NLGN4X: variants seen among roughly 807,000 people sequenced by gnomAD.
NLGN4X encodes neuroligin 4 X-linked, also known as neuroligin-4, X-linked.
NLGN4X carries 3 observed loss-of-function variants against 40.3 expected under a neutral mutation model. The observed-to-expected ratio is 0.07, with a 90% CI of 0.03 to 0.19. NLGN4X has a LOEUF of 0.19. NLGN4X is among the 10% of genes least tolerant of loss of function. The pLI is 1.00. For missense variants in NLGN4X, 382 were observed against 708.3 expected (o/e 0.54, Z 5.23); for synonymous variants, 270 against 306.8 (o/e 0.88, Z 1.25).
intron 2 of NLGN4X, among the ~76,000 whole-genome samples, chrX:6,045,096 G>A (rs2037284668): frequency 8.9e-6 from 1 of 112,312 alleles, no homozygotes; most frequent in African/African-American, 3.2e-5. Context: ...TTAGATCTGA[G>A]TAAAGGGACG....
intron 2 of NLGN4X, among the ~76,000 whole-genome samples, chrX:6,106,161 C>A (rs1295355330): frequency 8.9e-6 from 1 of 111,822 alleles, no homozygotes; most frequent in African/African-American, 3.3e-5. Context: ...AGAAAGAACA[C>A]AAATAGTCAT....
At position 6,027,822 on chromosome X, in the gene NLGN4X, A is replaced by T. The variant is rs781523429; in HGVS notation, c.625+1458T>A. ...TTAATTTATTACTAGTATTATTATT[A>T]TTTTTTTTTTTTTGAGAAAAGTCTC... On this transcript the variant is annotated intron_variant, in intron 3 of 5. Transcript: ENST00000381095. Among the ~76,000 whole-genome samples the T allele has an allele frequency of 2.5e-4, 25 of 99,361 alleles. No individual in the cohort carries two copies. In the East Asian group the frequency reaches 3.2e-3, roughly 13 times the overall value. 86.3% of individuals were successfully genotyped at this position (99,361 alleles called of 115,157 possible).
At chrX:6,166,035 T>C (rs2040489012) in intron 1 of NLGN4X, among the ~76,000 whole-genome samples, 1 of 111,979 alleles carries the variant, frequency 8.9e-6, no homozygotes, top group Non-Finnish European at 1.9e-5. Flanking sequence ...TAATTACATC[T>C]TTAGTTTCAC....
chrX:6,154,325 T>C (rs1479089793), intron 1 of NLGN4X, among the ~76,000 whole-genome samples: 1 of 112,301 alleles, frequency 8.9e-6, no homozygotes, highest in Non-Finnish European at 1.9e-5. Context: ...ATATAATTAG[T>C]GCTGTCGTGT....
chrX:6,038,603 C>T (rs1250610901), intron 2 of NLGN4X, among the ~76,000 whole-genome samples: 1 of 112,631 alleles, frequency 8.9e-6, no homozygotes, highest in Non-Finnish European at 1.9e-5. Context: ...AAAGAACTGC[C>T]ATAGCTGACC....
At chrX:6,074,787 C>G (rs1328795585) in intron 2 of NLGN4X, among the ~76,000 whole-genome samples, 1 of 110,927 alleles carries the variant, frequency 9.0e-6, no homozygotes, top group Non-Finnish European at 1.9e-5. Flanking sequence ...TTCGTGCCAT[C>G]ATCAGCAATA....
intron 3 of NLGN4X, among the ~76,000 whole-genome samples, chrX:5,925,843 T>C (rs868361702): frequency 2.8e-4 from 15 of 52,782 alleles, no homozygotes; most frequent in South Asian, 8.2e-4. Flanking sequence ...TATATATATA[T>C]ACATACACAT....
In NLGN4X at chrX:5,923,183, G is replaced by A. The variant is rs780944108; in HGVS notation, c.626-13944C>T. Among the ~76,000 whole-genome samples, 5 of 112,065 alleles carry A rather than the reference G, an allele frequency of 4.5e-5. 1 individual carries two copies. The Admixed American group carries it at 4.7e-4, about 11-fold the overall frequency. On this transcript the variant is annotated intron_variant, in intron 3 of 5. Transcript: ENST00000381095. ...CCCAGGCTGAAGTGGCGCCATCTCG[G>A]CTCACTGCACCCTTGAGATGCATTG... is the stretch of plus-strand genomic sequence containing the variant.
chrX:6,168,738 CTGGGATTA>C (rs889102543), intron 1 of NLGN4X, among the ~76,000 whole-genome samples: 2 of 111,389 alleles, frequency 1.8e-5, no homozygotes, highest in African/African-American at 6.5e-5. Context: ...TCCCAAAGTG[CTGGGATTA>C]TAGGCGTGAG....
intron 2 of NLGN4X, among the ~76,000 whole-genome samples, chrX:6,046,219 C>T (rs927107069): frequency 2.6e-4 from 29 of 111,331 alleles, no homozygotes; most frequent in African/African-American, 7.8e-4. Context: ...GTAATAGTAT[C>T]GATACCTCTT....
chrX:6,123,449 G>A (rs1400755100), intron 2 of NLGN4X, among the ~76,000 whole-genome samples: 1 of 111,198 alleles, frequency 9.0e-6, no homozygotes, highest in Non-Finnish European at 1.9e-5. Flanking sequence ...GCAAGGAGAG[G>A]AACCCAGAAC....
intron 3 of NLGN4X, among the ~76,000 whole-genome samples, chrX:6,005,631 G>A (rs1180855877): frequency 9.0e-6 from 1 of 111,149 alleles, no homozygotes; most frequent in Non-Finnish European, 1.9e-5. Context: ...AACCCTCTGT[G>A]ACCCCCAAAG....
At chrX:6,044,519 G>A (rs1237404810) in intron 2 of NLGN4X, among the ~76,000 whole-genome samples, 1 of 111,737 alleles carries the variant, frequency 8.9e-6, no homozygotes, top group Non-Finnish European at 1.9e-5. Context: ...TAAAATTGTG[G>A]AGGTTTTTTT....
chrX:6,047,778 T>C (rs2037365232), intron 2 of NLGN4X, among the ~76,000 whole-genome samples: 1 of 111,803 alleles, frequency 8.9e-6, no homozygotes, highest in East Asian at 2.8e-4. Context: ...GCCCACTCCA[T>C]CTAAAATGAG....
chrX:5,971,566 G>A (rs774204267), intron 3 of NLGN4X, among the ~76,000 whole-genome samples: 1 of 111,794 alleles, frequency 8.9e-6, no homozygotes, highest in Non-Finnish European at 1.9e-5. Context: ...TCACTTCAGA[G>A]AAATGCCTTC....
chrX:6,101,064 G>GA (rs1345855498), intron 2 of NLGN4X, among the ~76,000 whole-genome samples: 2 of 111,022 alleles, frequency 1.8e-5, no homozygotes, highest in Non-Finnish European at 3.8e-5. Context: ...AATTAAATAT[G>GA]AAAAAAATAA....
At chrX:6,019,593 A>G (rs1458929712) in intron 3 of NLGN4X, among the ~76,000 whole-genome samples, 1 of 111,434 alleles carries the variant, frequency 9.0e-6, no homozygotes, top group African/African-American at 3.3e-5. Flanking sequence ...TTGGCTCTCA[A>G]TTTCAATGCT....
At chrX:5,998,808 G>C (rs1378130849) in intron 3 of NLGN4X, among the ~76,000 whole-genome samples, 3 of 112,761 alleles carry the variant, frequency 2.7e-5, no homozygotes, top group Non-Finnish European at 5.6e-5. Flanking sequence ...AATATAAGTA[G>C]AGAAATTGAT....
chrX:6,021,791 A>G (rs754428824), intron 3 of NLGN4X, among the ~76,000 whole-genome samples: 1 of 108,869 alleles, frequency 9.2e-6, no homozygotes, highest in South Asian at 4.0e-4. Flanking sequence ...TTATCTGATA[A>G]TTTCTGGATT....
Sources: allele counts gnomAD v4.1 joint callset (sites outside exome capture counted in the v4.1 genomes callset), GRCh38; gene constraint gnomAD v4.1.1; transcripts MANE v1.5; gene names NCBI Gene and HGNC (gene_info 2026-07-23, HGNC 2026-07-21).